KCNH2: variants seen among roughly 807,000 people sequenced by gnomAD.
KCNH2 encodes voltage-gated inwardly rectifying potassium channel KCNH2.
KCNH2 carries 35 observed loss-of-function variants against 95.9 expected under a neutral mutation model. The observed-to-expected ratio is 0.37, with a 90% CI of 0.28 to 0.48. The LOEUF is 0.48. KCNH2 is among the 20% of genes least tolerant of loss of function. KCNH2 has a pLI of 0.99. For missense variants in KCNH2, 1,274 were observed against 1,702.9 expected (o/e 0.75, Z 4.43); for synonymous variants, 786 against 754.7 (o/e 1.04, Z -0.68).
Position 150,949,060 on chromosome 7 carries a change from T to C in KCNH2, c.2399-11A>G, listed in dbSNP as rs572515767. 2 of 1,612,784 alleles carry C rather than the reference T, an allele frequency of 1.2e-6. No individual in the cohort carries two copies. Among genetic ancestry groups the C allele is most frequent in the African/African-American group, 1.3e-5 (1 of 75,038 alleles). Reference sequence around the variant, plus strand: ...AGATGTCATTCTTCCCTGGAGGCCATGGAGAGGACAGGGAGCTCAGCCCCG... The same window carrying C: ...AGATGTCATTCTTCCCTGGAGGCCACGGAGAGGACAGGGAGCTCAGCCCCG... On this transcript the variant is annotated splice_polypyrimidine_tract_variant and intron_variant, in intron 9 of 14. Transcript: ENST00000262186.
intron 2 of KCNH2, among the ~76,000 whole-genome samples, chr7:150,971,352 T>A (rs902376346): frequency 2.6e-5 from 4 of 152,066 alleles, no homozygotes; most frequent in African/African-American, 9.6e-5. Context: ...GGACAGCAGG[T>A]CCCCACCCCC....
At position 150,947,763 on chromosome 7, in the gene KCNH2, G is replaced by A. The variant is rs1057520290; in HGVS notation, c.2808C>T (p.Ser936=). The A allele has an allele frequency of 1.9e-6, 3 of 1,541,804 alleles. 1 individual carries two copies. Among genetic ancestry groups the A allele is most frequent in the Non-Finnish European group, 1.7e-6 (2 of 1,147,468 alleles). ...PWGESPSSGP[S]SPESSEDEGP... is the part of the protein sequence containing the mutation. Reference sequence around the variant, plus strand: ...CCTCATCCTCACTGCTCTCAGGGCTGGAGGGGCCACTGGACGGGCTCTCCC... The same window carrying A: ...CCTCATCCTCACTGCTCTCAGGGCTAGAGGGGCCACTGGACGGGCTCTCCC... The change falls in exon 12 of 15, where the codon TCC becomes TCT. Residue 936 remains serine, a synonymous_variant. Transcript: ENST00000262186.
chr7:150,972,906 T>A (rs1168953174), intron 2 of KCNH2, among the ~76,000 whole-genome samples: 1 of 152,198 alleles, frequency 6.6e-6, no homozygotes, highest in Non-Finnish European at 1.5e-5. Context: ...ACTCCACACA[T>A]ACCACAGCCA....
rs1801038894 is a variant in KCNH2 at position 150,949,161 on chromosome 7, C to G, written c.2399-112G>C. 3 of 1,133,972 alleles carry G rather than the reference C, an allele frequency of 2.6e-6. No homozygotes were observed. In the South Asian group the frequency reaches 4.2e-5, roughly 16 times the overall value. 70.2% of individuals were successfully genotyped at this position (1,133,972 alleles called of 1,614,324 possible). A position where few individuals can be genotyped will look rare whatever the true frequency, so the allele number is the denominator to read the frequency against. The stretch of plus-strand genomic sequence containing the variant: ...GCAGAGCATGTCCCCTCAGCTGGGT[C>G]GCCTGCCAGCCGGCCCCCAACCCAC... On this transcript the variant is annotated intron_variant, in intron 9 of 14. Coordinates refer to ENST00000262186, the MANE Select transcript of KCNH2 (RefSeq NM_000238.4).
rs540334079 is a variant in KCNH2 at position 150,945,918 on chromosome 7, C to T, written c.3331-404G>A. 6.6e-6 allele frequency among the ~76,000 whole-genome samples: 1 copy of T among 152,260 alleles called. No homozygotes were observed. The highest frequency in any genetic ancestry group is 6.5e-5 in the Admixed American group (1 of 15,298). On this transcript the variant is annotated intron_variant, in intron 14 of 14. Transcript: ENST00000262186. This position sits in a 1 kb window ranked among gnomAD's most constrained non-coding sequence, Gnocchi z 5.6. ...TCCTTCCCGCAATCCAGAAAGAACTCGGGGACCTAGAAACAGAGGCAGGCT... is the reference window on the plus strand; with the variant it reads ...TCCTTCCCGCAATCCAGAAAGAACTTGGGGACCTAGAAACAGAGGCAGGCT...
chr7:150,973,574 T>C (rs1292095099), intron 2 of KCNH2, among the ~76,000 whole-genome samples: 2 of 152,230 alleles, frequency 1.3e-5, no homozygotes, highest in East Asian at 3.8e-4. Flanking sequence ...TGAGCGAACC[T>C]TCTTCCACAG....
At chr7:150,972,437 T>C (rs1801864762) in intron 2 of KCNH2, among the ~76,000 whole-genome samples, 1 of 152,298 alleles carries the variant, frequency 6.6e-6, no homozygotes, top group East Asian at 1.9e-4. Flanking sequence ...CAGGAGGGAC[T>C]GAGTGTTTCA....
chr7:150,963,820 T>C (rs1273552080), intron 2 of KCNH2, among the ~76,000 whole-genome samples: 3 of 152,252 alleles, frequency 2.0e-5, no homozygotes, highest in South Asian at 4.1e-4. Context: ...CTAGCAGGCC[T>C]CCAGAGGCCA....
intron 5 of KCNH2, among the ~76,000 whole-genome samples, chr7:150,954,277 A>T (rs1421273794): frequency 1.3e-5 from 2 of 152,028 alleles, no homozygotes; most frequent in Non-Finnish European, 2.9e-5. Flanking sequence ...CTGAAAAAAA[A>T]AAAAGAAAAC....
chr7:150,951,958 C>T, intron 6 of KCNH2, 123 bp from the exon 7 acceptor site: 5 of 910,374 alleles, frequency 5.5e-6, no homozygotes, highest in Non-Finnish European at 8.1e-6. Context: ...CTAGACCCTC[C>T]TCCTAAGAGG....
At chr7:150,955,624 C>G in intron 5 of KCNH2, 1 of 1,429,866 alleles carries the variant, frequency 7.0e-7, no homozygotes. Context: ...CGACTGGCAA[C>G]CAGAGCAGCC....
rs975406654 is a variant in KCNH2, at chr7:150,952,316, C to CTT, written c.1557+108_1557+109insAA. On this transcript the variant is annotated intron_variant, in intron 6 of 14. Coordinates refer to ENST00000262186, the MANE Select transcript of KCNH2 (RefSeq NM_000238.4). The surrounding 1 kb of genome is among the most constrained non-coding windows in gnomAD (Gnocchi z 7.3). ...TCCCACTGTCTTTCTCTCTTTCTCT[C>CTT]TCTCTCTCTTTTTCTCTGTCCTCCT... is the stretch of plus-strand genomic sequence containing the variant. 141 of 1,170,550 alleles carry CTT rather than the reference C, an allele frequency of 1.2e-4. No homozygotes were observed. The Admixed American group carries it at 1.8e-3, about 15-fold the overall frequency. The allele number at this position is 1,170,550 out of a possible 1,614,324, so 72.5% of individuals were successfully genotyped here. A position where few individuals can be genotyped will look rare whatever the true frequency, so the allele number is the denominator to read the frequency against.
rs147510453 is a variant in KCNH2 at position 150,946,932 on chromosome 7, G to A, written c.3275C>T (p.Ser1092Phe). The A allele has an allele frequency of 2.5e-6, 4 of 1,601,502 alleles. No individual in the cohort carries two copies. The African/African-American group carries it at 5.4e-5, about 21-fold the overall frequency. Residue 1092 changes from serine (S) to phenylalanine (F), a missense_variant, in exon 14 of 15, where the codon TCC (serine) becomes TTC (phenylalanine). Physicochemically the swap from Ser to Phe is radical, Grantham distance 155. Coordinates refer to ENST00000262186, the MANE Select transcript of KCNH2 (RefSeq NM_000238.4). This position sits in a 1 kb window ranked among gnomAD's most constrained non-coding sequence, Gnocchi z 6.5. ...TTPGPGPTST[S>F]PLLPVSPLPT... ...GAGGGGGCTGACGGGCAACAGCGGG[G>A]ATGTGGAAGTGGGGCCAGGCCCCGG...
intron 2 of KCNH2, among the ~76,000 whole-genome samples, chr7:150,970,275 C>G (rs143492904): frequency 6.6e-6 from 1 of 151,958 alleles, no homozygotes. Context: ...TCACACACCC[C>G]CAAGCTGGCC....
chr7:150,974,954 G>A lies in KCNH2; in HGVS notation c.77-13C>T, dbSNP rs771793839. The A allele has an allele frequency of 8.9e-6, 14 of 1,576,968 alleles. No homozygotes were observed. The East Asian group carries it at 1.4e-4, about 16-fold the overall frequency. ...ATGAACTTACGGCCTAGGGGGGCGG[G>A]GAGGAGAGTGCGCGTGAGCGGGGAC... On this transcript the variant is annotated splice_polypyrimidine_tract_variant and intron_variant, in intron 1 of 14. Coordinates refer to ENST00000262186, the MANE Select transcript of KCNH2 (RefSeq NM_000238.4).
At chr7:150,949,394 G>A (rs1584848648) in intron 9 of KCNH2, 3 of 766,154 alleles carry the variant, frequency 3.9e-6, no homozygotes, top group Non-Finnish European at 3.3e-6. Flanking sequence ...ACACAGTAGT[G>A]AATCAAAACC....
rs764749875 is a variant in KCNH2, at chr7:150,946,883, A to C, written c.3324T>G (p.Leu1108=). 2.5e-6 allele frequency: 4 copies of C among 1,597,624 alleles called. No individual in the cohort carries two copies. The highest frequency in any genetic ancestry group is 3.4e-6 in the Non-Finnish European group (4 of 1,169,256). ...SPLPTLTLDS[L]SQVSQFMACE... ...AAGCAGGGCTGGAGCTTACCTGAGA[A>C]AGCGAGTCCAAGGTGAGGGTGGGGA... Residue 1108 remains leucine, a synonymous_variant, in exon 14 of 15, where the codon CTT becomes CTG. Coordinates refer to ENST00000262186, the MANE Select transcript of KCNH2 (RefSeq NM_000238.4). The surrounding 1 kb of genome is among the most constrained non-coding windows in gnomAD (Gnocchi z 6.5).
rs199472849 is a variant in KCNH2 at position 150,974,775 on chromosome 7, C to G, written c.243G>C (p.Gln81His). ...CGGCGCCCAGCAGTGCCTGCGCGAT[C>G]TGCGCGGCAGCGCGGCGCTGCGTGC... ...GPRTQRRAAA[Q>H]IAQALLGAEE... Residue 81 changes from glutamine to histidine, a missense_variant, in exon 2 of 15, where the codon CAG becomes CAC. Physicochemically the swap from Gln to His is conservative, Grantham distance 24. This residue lies in a region of KCNH2 where 85 missense variants were observed against 174.7 expected (regional missense o/e 0.49). Coordinates refer to ENST00000262186, the MANE Select transcript of KCNH2 (RefSeq NM_000238.4). 1.9e-6 allele frequency: 3 copies of G among 1,606,534 alleles called. No homozygotes were observed. The highest frequency in any genetic ancestry group is 1.7e-6 in the Non-Finnish European group (2 of 1,176,926).
At position 150,952,401 on chromosome 7, in the gene KCNH2, C is replaced by A. The variant is rs753322331; in HGVS notation, c.1557+24G>T. 17 of 1,611,396 alleles carry A rather than the reference C, an allele frequency of 1.1e-5. No homozygotes were observed. The highest frequency in any genetic ancestry group is 1.4e-5 in the Non-Finnish European group (16 of 1,178,632). On this transcript the variant is annotated intron_variant, in intron 6 of 14. Coordinates refer to ENST00000262186, the MANE Select transcript of KCNH2 (RefSeq NM_000238.4). The surrounding 1 kb of genome is among the most constrained non-coding windows in gnomAD (Gnocchi z 7.3). ...TTCCTGGCCTCTCCTCTCCCTACAC[C>A]ACCTGCCTCCTTGCTGACCCCACCT...
Sources: allele counts gnomAD v4.1 joint callset (sites outside exome capture counted in the v4.1 genomes callset), GRCh38; gene constraint gnomAD v4.1.1; regional missense constraint gnomAD v4.1.1; non-coding constraint Gnocchi (gnomAD v3.1); transcripts MANE v1.5; gene names NCBI Gene and HGNC (gene_info 2026-07-23, HGNC 2026-07-21).